Variants in ANKRD11 observed in about 807,000 individuals in gnomAD.
ANKRD11 encodes ankyrin repeat domain-containing protein 11.
ANKRD11 carries 17 observed loss-of-function variants against 195.7 expected under a neutral mutation model. That is an observed-to-expected ratio of 0.09 (90% CI 0.06 to 0.13). The LOEUF (loss-of-function observed/expected upper bound fraction) is 0.13, where lower values mean the gene tolerates loss of function less well. ANKRD11 is among the 10% of genes least tolerant of loss of function. The probability of loss-of-function intolerance (pLI) is 1.00; values close to 1 mark genes in which losing one functional copy is unlikely to be tolerated. For synonymous variants in ANKRD11, 1,953 were observed against 1,528.1 expected (o/e 1.28, Z -6.49); for missense variants, 3,735 against 3,566.1 (o/e 1.05, Z -1.21).
intron 2 of ANKRD11, among the ~76,000 whole-genome samples, chr16:89,355,752 G>A (rs1399918926): frequency 6.6e-6 from 1 of 152,358 alleles, no homozygotes; most frequent in South Asian, 2.1e-4. Context: ...GGCAGGTCTT[G>A]TGTTACTGAG....
chr16:89,324,219 T>C (rs1158615249), intron 2 of ANKRD11: 1 of 1,190,582 alleles, frequency 8.4e-7, no homozygotes, highest in Admixed American at 3.6e-5. Flanking sequence ...ATTACTGGCC[T>C]CTGCTTTGCC....
intron 2 of ANKRD11, among the ~76,000 whole-genome samples, chr16:89,380,559 A>AC (rs5818714): frequency 0.59 from 89,942 of 152,098 alleles, 26,835 homozygotes; most frequent in Middle Eastern, 0.76. Context: ...CAGCCCCAGG[A>AC]CCTGCCCGCT....
intron 1 of ANKRD11, among the ~76,000 whole-genome samples, chr16:89,483,498 G>C (rs1418314007): frequency 6.6e-6 from 1 of 152,228 alleles, no homozygotes; most frequent in African/African-American, 2.4e-5. Context: ...ACAATTCAAA[G>C]ATACCTCTCG....
intron 12 of ANKRD11, 91 bp from the exon 13 acceptor site, chr16:89,268,754 G>A (rs1178804998): frequency 3.4e-6 from 5 of 1,457,694 alleles, no homozygotes; most frequent in Admixed American, 4.0e-5. Flanking sequence ...GGCCAAGGGC[G>A]TGATACGGCC....
intron 3 of ANKRD11, among the ~76,000 whole-genome samples, chr16:89,308,900 C>T (rs931596177): frequency 3.3e-5 from 5 of 152,154 alleles, no homozygotes; most frequent in South Asian, 2.1e-4. Flanking sequence ...AGGAGGTGCG[C>T]GCAGCCTCGT....
intron 1 of ANKRD11, among the ~76,000 whole-genome samples, chr16:89,485,914 T>C (rs1422565549): frequency 6.6e-6 from 1 of 152,162 alleles, no homozygotes; most frequent in Non-Finnish European, 1.5e-5. Flanking sequence ...TCCAGACTGA[T>C]TTCAACCCAT....
At chr16:89,300,993 C>T in intron 4 of ANKRD11, 1 of 643,300 alleles carries the variant, frequency 1.6e-6, no homozygotes, top group Non-Finnish European at 2.8e-6. Context: ...CTCAGGGTCA[C>T]AGACGAAGGC....
At chr16:89,320,100 G>C (rs2037213532) in intron 2 of ANKRD11, 1 of 152,384 alleles carries the variant, frequency 6.6e-6, no homozygotes, top group Admixed American at 6.5e-5. Flanking sequence ...TGACTCATGG[G>C]TGTTGTCTGA....
chr16:89,456,547 A>C (rs2056445346), intron 1 of ANKRD11, among the ~76,000 whole-genome samples: 1 of 152,042 alleles, frequency 6.6e-6, no homozygotes, highest in African/African-American at 2.4e-5. Context: ...CGTTTCAAAA[A>C]AAAAAAAAAA....
chr16:89,318,035 G>C (rs927270950), intron 2 of ANKRD11, among the ~76,000 whole-genome samples: 1 of 152,144 alleles, frequency 6.6e-6, no homozygotes, highest in African/African-American at 2.4e-5. Flanking sequence ...GCTCTGCCCC[G>C]TCCCTCTCTT....
intron 1 of ANKRD11, among the ~76,000 whole-genome samples, chr16:89,486,914 C>A (rs2057634276): frequency 6.6e-6 from 1 of 150,582 alleles, no homozygotes; most frequent in African/African-American, 2.4e-5. Flanking sequence ...GAGGCTGAGG[C>A]AGGAGAATTG....
chr16:89,291,148 C>T lies in ANKRD11; in HGVS notation c.262G>A (p.Glu88Lys), dbSNP rs1489493167. 1.2e-6 allele frequency: 2 copies of T among 1,613,856 alleles called. No individual in the cohort carries two copies. Among genetic ancestry groups the T allele is most frequent in the African/African-American group, 1.3e-5 (1 of 74,926 alleles). ...QGPERKRIKK[E>K]PVTRKAGLLF... ...AGCCCGGCCTTCCGGGTGACAGGCT[C>T]CTTCTTAATCCTCTTCCGCTCAGGG... The change falls in exon 5 of 13, where the codon GAG becomes AAG. Residue 88 changes from glutamate (E) to lysine (K), a missense_variant. Coordinates refer to ENST00000301030, the MANE Select transcript of ANKRD11 (RefSeq NM_013275.6). This position sits in a 1 kb window ranked among gnomAD's most constrained non-coding sequence, Gnocchi z 5.3.
chr16:89,474,033 A>C (rs1567855125), intron 1 of ANKRD11, among the ~76,000 whole-genome samples: 1 of 152,224 alleles, frequency 6.6e-6, no homozygotes, highest in Non-Finnish European at 1.5e-5. Context: ...AAGCAAGTAC[A>C]GGGGGCCTCT....
chr16:89,428,285 G>C (rs773410309), intron 1 of ANKRD11, among the ~76,000 whole-genome samples: 1 of 152,052 alleles, frequency 6.6e-6, no homozygotes, highest in Non-Finnish European at 1.5e-5. Context: ...CAGCACTTTG[G>C]GAGGCCAAGG....
intron 2 of ANKRD11, among the ~76,000 whole-genome samples, chr16:89,405,781 T>A (rs1019220269): frequency 1.3e-5 from 2 of 152,064 alleles, no homozygotes; most frequent in East Asian, 3.9e-4. Flanking sequence ...AGGGGTCAAA[T>A]TCCTCACACC....
chr16:89,394,670 G>A (rs2041348311), intron 2 of ANKRD11, among the ~76,000 whole-genome samples: 1 of 151,542 alleles, frequency 6.6e-6, no homozygotes, highest in South Asian at 2.1e-4. Flanking sequence ...AAAAACGAGT[G>A]TATTTTCCAC....
chr16:89,489,552 G>A (rs914908617), intron 1 of ANKRD11, among the ~76,000 whole-genome samples: 2 of 150,920 alleles, frequency 1.3e-5, no homozygotes, highest in African/African-American at 2.4e-5. Context: ...AGAGCCGCCT[G>A]CTCTCATTTC....
chr16:89,407,278 C>G (rs1160379644), intron 2 of ANKRD11, among the ~76,000 whole-genome samples: 1 of 151,486 alleles, frequency 6.6e-6, no homozygotes, highest in Non-Finnish European at 1.5e-5. Context: ...GAAAAAGACT[C>G]ATATTTTTAT....
At chr16:89,441,136 T>C (rs2043442569) in intron 1 of ANKRD11, among the ~76,000 whole-genome samples, 1 of 150,930 alleles carries the variant, frequency 6.6e-6, no homozygotes. Context: ...CTCGGGAGGC[T>C]GAGGCAGGAA....
Sources: allele counts gnomAD v4.1 joint callset (sites outside exome capture counted in the v4.1 genomes callset), GRCh38; gene constraint gnomAD v4.1.1; non-coding constraint Gnocchi (gnomAD v3.1); transcripts MANE v1.5; gene names NCBI Gene and HGNC (gene_info 2026-07-23, HGNC 2026-07-21).